SSX2IP: variants seen among roughly 807,000 people sequenced by gnomAD.
SSX2IP encodes the protein afadin- and alpha-actinin-binding protein.
Under a neutral mutation model 84.9 loss-of-function variants are expected in SSX2IP, and 55 were observed. The ratio of observed to expected loss-of-function variants is 0.65; its 90% CI spans 0.52 to 0.81. The LOEUF (loss-of-function observed/expected upper bound fraction) is 0.81, where lower values mean the gene tolerates loss of function less well. Ranked by LOEUF, SSX2IP falls within the 30% of genes least tolerant of loss-of-function variation. The pLI, the probability that SSX2IP is intolerant of heterozygous loss-of-function variation, is 0.00. For missense variants in SSX2IP, 664 were observed against 705.2 expected (o/e 0.94, Z 0.66); for synonymous variants, 239 against 234.7 (o/e 1.02, Z -0.17).
At position 84,658,486 on chromosome 1, in the gene SSX2IP, T is replaced by C. The variant is rs777824937; in HGVS notation, c.928-18A>G. On this transcript the variant is annotated intron_variant, in intron 8 of 13. Transcript: ENST00000342203. Reference sequence around the variant, plus strand: ...GAAATAACCTACAAGCGGAGAGAGATGAAGAGGAAAGGCTAGTACCTTACA... The same window carrying C: ...GAAATAACCTACAAGCGGAGAGAGACGAAGAGGAAAGGCTAGTACCTTACA... The C allele has an allele frequency of 2.5e-6, 4 of 1,610,820 alleles. No homozygotes were observed. The Admixed American group carries it at 6.7e-5, about 27-fold the overall frequency.
At chr1:84,683,879 T>A (rs777033958) in intron 1 of SSX2IP, among the ~76,000 whole-genome samples, 11 of 152,088 alleles carry the variant, frequency 7.2e-5, no homozygotes, top group Admixed American at 1.3e-4. Flanking sequence ...ATTCTTCCAA[T>A]GTACACACAG....
Position 84,651,862 on chromosome 1 carries a change from AAG to A in SSX2IP, c.1504+19_1504+20del, listed in dbSNP as rs1650301847. 3 of 1,434,170 alleles carry A rather than the reference AAG, an allele frequency of 2.1e-6. No individual in the cohort carries two copies. Among genetic ancestry groups the A allele is most frequent in the Non-Finnish European group, 2.9e-6 (3 of 1,031,076 alleles). 88.8% of individuals were successfully genotyped at this position (1,434,170 alleles called of 1,614,324 possible). On this transcript the variant is annotated intron_variant, in intron 12 of 13. Transcript: ENST00000342203. ...TTTATTTATATGCATGTTCAAATTA[AAG>A]AGTTTATAAAGTACTCACTTCCTGA...
intron 1 of SSX2IP, among the ~76,000 whole-genome samples, chr1:84,685,612 A>G (rs895085028): frequency 1.3e-5 from 2 of 152,262 alleles, no homozygotes; most frequent in African/African-American, 4.8e-5. Context: ...TTTAACCTGG[A>G]AAGACTAAAA....
At chr1:84,687,966 T>C (rs1448336172) in intron 1 of SSX2IP, among the ~76,000 whole-genome samples, 2 of 152,250 alleles carry the variant, frequency 1.3e-5, no homozygotes, top group Non-Finnish European at 2.9e-5. Context: ...CCTTCCTATA[T>C]TTGTTTTTTG....
chr1:84,655,864 A>G lies in SSX2IP; in HGVS notation c.1357T>C (p.Phe453Leu), dbSNP rs1397392082. 1 of 1,613,926 alleles carries G rather than the reference A, an allele frequency of 6.2e-7. No homozygotes were observed. The highest frequency in any genetic ancestry group is 1.1e-5 in the South Asian group (1 of 91,070). Reference sequence around the variant, plus strand: ...CCCAGGCGAATAGCGGCTTCTGTAAAGCTTCGTCTCTCCCTCTCAAAATTC... The same window carrying G: ...CCCAGGCGAATAGCGGCTTCTGTAAGGCTTCGTCTCTCCCTCTCAAAATTC... ...KKNFERERRS[F>L]TEAAIRLGLE... Residue 453 changes from phenylalanine to leucine, a missense_variant, in exon 11 of 14, where the codon TTT (phenylalanine) becomes CTT (leucine). By Grantham distance (22) the Phe-to-Leu change is conservative (BLOSUM62 0). Transcript: ENST00000342203.
chr1:84,681,267 T>C (rs72952199), intron 1 of SSX2IP, among the ~76,000 whole-genome samples: 31,084 of 152,164 alleles, frequency 0.2, 3,472 homozygotes, highest in African/African-American at 0.28. Context: ...GCAGTATTAT[T>C]TGAAATGGCA....
intron 8 of SSX2IP, 150 bp from the exon 9 acceptor site, chr1:84,658,618 ATGTCTTG>A (rs1553127573): frequency 1.1e-6 from 1 of 880,014 alleles, no homozygotes; most frequent in Non-Finnish European, 1.6e-6. Flanking sequence ...CAGTATTTAA[ATGTCTTG>A]AGAAAAAAAA....
At chr1:84,666,893 A>T (rs562790981) in intron 4 of SSX2IP, among the ~76,000 whole-genome samples, 3 of 152,304 alleles carry the variant, frequency 2.0e-5, no homozygotes, top group African/African-American at 7.2e-5. Context: ...GAATATTTTT[A>T]AAATTGTACT....
rs2102072543 is a variant in SSX2IP, at chr1:84,643,762, A to G, written c.*3671T>C. On this transcript the variant is annotated 3_prime_UTR_variant, in exon 14 of 14. Coordinates refer to ENST00000342203, the MANE Select transcript of SSX2IP (RefSeq NM_001166293.2). ...CAAATATTATGTGCTGTTAAGCATT[A>G]TACTAGGTACATGTATTTCTGAAGC... 1 of 152,258 alleles carries G rather than the reference A, an allele frequency of 6.6e-6. No individual in the cohort carries two copies. The highest frequency in any genetic ancestry group is 3.4e-3 in the Middle Eastern group (1 of 294). The allele number at this position is 152,258 out of a possible 1,614,324, so 9.4% of individuals were successfully genotyped here. A position where few individuals can be genotyped will look rare whatever the true frequency, so the allele number is the denominator to read the frequency against.
chr1:84,648,737 A>C (rs1331384618), intron 13 of SSX2IP, among the ~76,000 whole-genome samples: 1 of 152,248 alleles, frequency 6.6e-6, no homozygotes, highest in Non-Finnish European at 1.5e-5. Flanking sequence ...CAAATTTAGA[A>C]GTTTGAATAA....
chr1:84,679,123 A>G (rs1488171818), intron 1 of SSX2IP, among the ~76,000 whole-genome samples: 1 of 150,798 alleles, frequency 6.6e-6, no homozygotes, highest in Non-Finnish European at 1.5e-5. Context: ...CATTAGTCCT[A>G]TTTTACAAAT....
intron 12 of SSX2IP, among the ~76,000 whole-genome samples, chr1:84,651,114 A>G (rs2102170365): frequency 6.6e-6 from 1 of 152,274 alleles, no homozygotes; most frequent in East Asian, 1.9e-4. Context: ...CAGGAGTTTG[A>G]GACCAGCCTG....
intron 11 of SSX2IP, among the ~76,000 whole-genome samples, chr1:84,652,633 G>A (rs12044089): frequency 0.52 from 79,120 of 150,984 alleles, 22,509 homozygotes; most frequent in East Asian, 0.72. Context: ...AGGAGGCTGA[G>A]GCAGGAGAAT....
chr1:84,670,797 T>G lies in SSX2IP; in HGVS notation c.62A>C (p.Gln21Pro). The G allele has an allele frequency of 6.2e-7, 1 of 1,607,744 alleles. No individual in the cohort carries two copies. Among genetic ancestry groups the G allele is most frequent in the Non-Finnish European group, 8.5e-7 (1 of 1,177,592 alleles). ...AGACATCTTTGTTTCTGAGGTATAT[T>G]GAGAGATAGTTTTGCTTTCTGAAAG... is the stretch of plus-strand genomic sequence containing the variant. ...GLSSESKTISQYTSETKMSPS... is the reference protein window; with the variant it reads ...GLSSESKTISPYTSETKMSPS... Residue 21 changes from glutamine to proline, a missense_variant, in exon 3 of 14, where the codon CAA becomes CCA. By Grantham distance (76) the Gln-to-Pro change is moderately conservative. Coordinates refer to ENST00000342203, the MANE Select transcript of SSX2IP (RefSeq NM_001166293.2).
rs1324440416 is a variant in SSX2IP at position 84,655,884 on chromosome 1, A to G, written c.1337T>C (p.Phe446Ser). 5 of 1,613,874 alleles carry G rather than the reference A, an allele frequency of 3.1e-6. No homozygotes were observed. The Admixed American group carries it at 6.7e-5, about 22-fold the overall frequency. ...TGTAAAGCTTCGTCTCTCCCTCTCA[A>G]AATTCTTTTTCTGCTCTTTAAAAAG... ...WSLFKEQKKN[F>S]ERERRSFTEA... The change falls in exon 11 of 14, where the codon TTT becomes TCT. Residue 446 changes from phenylalanine to serine, a missense_variant. Physicochemically the swap from Phe to Ser is radical, Grantham distance 155. Coordinates refer to ENST00000342203, the MANE Select transcript of SSX2IP (RefSeq NM_001166293.2).
chr1:84,648,304 G>C (rs139756148), intron 13 of SSX2IP, among the ~76,000 whole-genome samples: 3 of 152,242 alleles, frequency 2.0e-5, no homozygotes, highest in African/African-American at 4.8e-5. Context: ...TTTATTCTTA[G>C]AGGCTAGTTA....
rs180681578 is a variant in SSX2IP, at chr1:84,676,576, T to C, written c.-89-5268A>G. On this transcript the variant is annotated intron_variant, in intron 1 of 13. Coordinates refer to ENST00000342203, the MANE Select transcript of SSX2IP (RefSeq NM_001166293.2). ...CAGAGCTTAAATCTATCATTCCTCATGTCCAAGTGTTTTCTCTTTTGCTTT... is the reference window on the plus strand; with the variant it reads ...CAGAGCTTAAATCTATCATTCCTCACGTCCAAGTGTTTTCTCTTTTGCTTT... Among the ~76,000 whole-genome samples, 727 of 152,296 alleles carry C rather than the reference T, an allele frequency of 4.8e-3. 1 individual carries two copies. Among genetic ancestry groups the C allele is most frequent in the Non-Finnish European group, 8.2e-3 (560 of 68,010 alleles).
chr1:84,673,031 A>G (rs1415382593), intron 1 of SSX2IP, among the ~76,000 whole-genome samples: 3 of 152,218 alleles, frequency 2.0e-5, no homozygotes, highest in African/African-American at 7.2e-5. Context: ...AAAAGAAAAA[A>G]GAAATTTATA....
intron 8 of SSX2IP, among the ~76,000 whole-genome samples, chr1:84,659,521 C>T (rs185757441): frequency 2.9e-4 from 44 of 152,212 alleles, no homozygotes; most frequent in Non-Finnish European, 4.6e-4. Flanking sequence ...ATTGGCCGGG[C>T]GCGGTGGCTC....
Sources: gnomAD v4.1 joint callset for allele counts (sites outside exome capture counted in the v4.1 genomes callset) on GRCh38, gnomAD v4.1.1 for gene constraint, MANE v1.5 for transcripts, NCBI Gene and HGNC (gene_info 2026-07-23, HGNC 2026-07-21) for gene names.